The following MB21D2 variants were observed in gnomAD, a reference collection of about 807,000 sequenced individuals.
MB21D2 encodes the protein nucleotidyltransferase MB21D2.
Under a neutral mutation model 33.3 loss-of-function variants are expected in MB21D2, and 9 were observed. The observed-to-expected ratio is 0.27, with a 90% CI of 0.16 to 0.47. MB21D2 has a LOEUF of 0.47. Among genes scored for constraint, MB21D2 ranks in the 20% least tolerant of loss-of-function variants. The probability of loss-of-function intolerance (pLI) is 0.99; values close to 1 mark genes in which losing one functional copy is unlikely to be tolerated. For synonymous variants in MB21D2, 241 were observed against 236.3 expected (o/e 1.02, Z -0.18); for missense variants, 540 against 624.6 (o/e 0.86, Z 1.44).
chr3:192,807,941 TA>T (rs764118572), intron 1 of MB21D2, among the ~76,000 whole-genome samples: 1 of 152,026 alleles, frequency 6.6e-6, no homozygotes, highest in Non-Finnish European at 1.5e-5. Context: ...TCATTCACAC[TA>T]GATGACCATC....
intron 1 of MB21D2, among the ~76,000 whole-genome samples, chr3:192,825,847 C>T (rs1245377303): frequency 6.6e-6 from 1 of 152,250 alleles, no homozygotes; most frequent in Non-Finnish European, 1.5e-5. Flanking sequence ...GTCCCGCCCC[C>T]ACATGGAAGT....
chr3:192,842,281 C>T (rs1712591084), intron 1 of MB21D2, among the ~76,000 whole-genome samples: 1 of 152,220 alleles, frequency 6.6e-6, no homozygotes, highest in African/African-American at 2.4e-5. Flanking sequence ...CCTCCCACGG[C>T]TGCCCGTCAG....
At chr3:192,899,727 A>G (rs1475429073) in intron 1 of MB21D2, among the ~76,000 whole-genome samples, 1 of 140,342 alleles carries the variant, frequency 7.1e-6, no homozygotes, top group East Asian at 2.0e-4. Flanking sequence ...CATAGTCCAA[A>G]AAAGGTAGCA....
intron 1 of MB21D2, among the ~76,000 whole-genome samples, chr3:192,804,041 G>A (rs1711610476): frequency 6.6e-6 from 1 of 152,118 alleles, no homozygotes; most frequent in African/African-American, 2.4e-5. Context: ...TCTTGGTTTT[G>A]ATATATTTCA....
chr3:192,807,322 T>C (rs1180078608), intron 1 of MB21D2, among the ~76,000 whole-genome samples: 2 of 131,640 alleles, frequency 1.5e-5, no homozygotes, highest in South Asian at 2.6e-4. Context: ...TGAAGGCTCA[T>C]TCTTGAAAGG....
chr3:192,912,631 C>A (rs1456320023), intron 1 of MB21D2, among the ~76,000 whole-genome samples: 2 of 152,030 alleles, frequency 1.3e-5, no homozygotes, highest in Non-Finnish European at 2.9e-5. Context: ...CAAGATCATG[C>A]CACTGCACTC....
At chr3:192,815,145 A>C (rs978735473) in intron 1 of MB21D2, among the ~76,000 whole-genome samples, 2 of 152,178 alleles carry the variant, frequency 1.3e-5, no homozygotes, top group Non-Finnish European at 1.5e-5. Flanking sequence ...GTCTCCAGAG[A>C]ATGAAGTTTA....
intron 1 of MB21D2, among the ~76,000 whole-genome samples, chr3:192,880,626 G>C (rs2108642487): frequency 1.3e-5 from 2 of 152,176 alleles, no homozygotes; most frequent in African/African-American, 4.8e-5. Flanking sequence ...CTGTCGGAGG[G>C]GACGGACTCT....
chr3:192,856,169 A>G (rs1402430496), intron 1 of MB21D2, among the ~76,000 whole-genome samples: 2 of 152,190 alleles, frequency 1.3e-5, no homozygotes, highest in African/African-American at 2.4e-5. Flanking sequence ...ATCACTCAGG[A>G]GGAGACTCTG....
intron 1 of MB21D2, among the ~76,000 whole-genome samples, chr3:192,909,883 G>A (rs1367987191): frequency 8.3e-6 from 1 of 120,528 alleles, no homozygotes; most frequent in Non-Finnish European, 1.6e-5. Context: ...AGTGAGCCAA[G>A]ATTGAGATCG....
chr3:192,878,103 G>GTTTTTTTTTTTTTTTTTTTT (rs1296544101), intron 1 of MB21D2, among the ~76,000 whole-genome samples: 2 of 134,222 alleles, frequency 1.5e-5, no homozygotes, highest in Admixed American at 7.9e-5. Flanking sequence ...TTTTTTTTTG[G>GTTTTTTTTTTTTTTTTTTTT]TTTTTTTTGT....
chr3:192,800,176 C>T (rs1711524202), intron 1 of MB21D2, among the ~76,000 whole-genome samples: 1 of 152,168 alleles, frequency 6.6e-6, no homozygotes, highest in Admixed American at 6.5e-5. Flanking sequence ...CAGCGGTTCT[C>T]AGTGTGGGCT....
At chr3:192,892,663 G>A (rs1458347432) in intron 1 of MB21D2, among the ~76,000 whole-genome samples, 3 of 151,954 alleles carry the variant, frequency 2.0e-5, no homozygotes, top group African/African-American at 7.3e-5. Flanking sequence ...GGCCGGTCTC[G>A]AACTCCTGAC....
At chr3:192,803,595 T>C (rs192577786) in intron 1 of MB21D2, among the ~76,000 whole-genome samples, 20 of 152,308 alleles carry the variant, frequency 1.3e-4, no homozygotes, top group Admixed American at 1.0e-3. Context: ...AATGTCTTCC[T>C]TGAAAACTTT....
At chr3:192,892,633 G>T (rs1316435867) in intron 1 of MB21D2, among the ~76,000 whole-genome samples, 1 of 151,996 alleles carries the variant, frequency 6.6e-6, no homozygotes, top group Non-Finnish European at 1.5e-5. Flanking sequence ...AGTAGAGACG[G>T]GGTTTCACCA....
chr3:192,898,407 C>T (rs576708349), intron 1 of MB21D2, among the ~76,000 whole-genome samples: 2 of 151,946 alleles, frequency 1.3e-5, no homozygotes, highest in Non-Finnish European at 2.9e-5. Flanking sequence ...TTGGGAATAA[C>T]TGGACTAGAC....
intron 1 of MB21D2, among the ~76,000 whole-genome samples, chr3:192,827,767 T>C (rs1276388121): frequency 6.6e-6 from 1 of 152,134 alleles, no homozygotes; most frequent in Non-Finnish European, 1.5e-5. Flanking sequence ...CTGAAAGTTT[T>C]GCTTCCCGCT....
chr3:192,828,979 G>A (rs930375885), intron 1 of MB21D2, among the ~76,000 whole-genome samples: 3 of 151,954 alleles, frequency 2.0e-5, no homozygotes, highest in East Asian at 1.9e-4. Flanking sequence ...GATGCAGTTC[G>A]GTAAGTTTGG....
chr3:192,881,147 T>G (rs965308100), intron 1 of MB21D2, among the ~76,000 whole-genome samples: 1 of 152,154 alleles, frequency 6.6e-6, no homozygotes, highest in Non-Finnish European at 1.5e-5. Context: ...TTGCATTTTT[T>G]GGTAGCAAGT....
Sources: gnomAD v4.1 joint callset for allele counts (sites outside exome capture counted in the v4.1 genomes callset) on GRCh38, gnomAD v4.1.1 for gene constraint, MANE v1.5 for transcripts, NCBI Gene and HGNC (gene_info 2026-07-23, HGNC 2026-07-21) for gene names.